Variants in NPAS2 observed in about 807,000 individuals in gnomAD.
NPAS2 encodes the protein neuronal PAS domain-containing protein 2.
In NPAS2, 23 loss-of-function variants were observed where a neutral mutation model predicts 107.5. The observed-to-expected ratio is 0.21, with a 90% CI of 0.15 to 0.30. The LOEUF is 0.30. Ranked by LOEUF, NPAS2 falls within the 10% of genes least tolerant of loss-of-function variation. NPAS2 has a pLI of 1.00. For missense variants in NPAS2, 756 were observed against 1,043.3 expected (o/e 0.72, Z 3.79); for synonymous variants, 403 against 417.5 (o/e 0.97, Z 0.42).
At chr2:100,846,120 A>G (rs1250872120) in intron 1 of NPAS2, among the ~76,000 whole-genome samples, 1 of 152,164 alleles carries the variant, frequency 6.6e-6, no homozygotes, top group Non-Finnish European at 1.5e-5. Flanking sequence ...GCAGGCCCAC[A>G]TGTGGTTTTC....
chr2:100,910,209 C>A (rs576556802), intron 2 of NPAS2, among the ~76,000 whole-genome samples: 1 of 152,306 alleles, frequency 6.6e-6, no homozygotes, highest in East Asian at 1.9e-4. Context: ...CTAAACGTTT[C>A]TTTTTAGAAT....
At chr2:100,920,320 A>G (rs1361454844) in intron 2 of NPAS2, among the ~76,000 whole-genome samples, 2 of 152,204 alleles carry the variant, frequency 1.3e-5, no homozygotes, top group African/African-American at 2.4e-5. Flanking sequence ...CTCACCACAA[A>G]TAAGTGAAGT....
intron 1 of NPAS2, among the ~76,000 whole-genome samples, chr2:100,840,334 G>C (rs1677319159): frequency 6.6e-6 from 1 of 152,196 alleles, no homozygotes; most frequent in Admixed American, 6.5e-5. Context: ...GTTCCCGGGA[G>C]TGGGGACCAC....
At chr2:100,860,128 C>T (rs1380027734) in intron 1 of NPAS2, among the ~76,000 whole-genome samples, 1 of 152,196 alleles carries the variant, frequency 6.6e-6, no homozygotes. Context: ...CGTTGCATTT[C>T]GTTGTCTTCT....
At chr2:100,842,108 CACTT>C (rs1392884931) in intron 1 of NPAS2, among the ~76,000 whole-genome samples, 3 of 149,736 alleles carry the variant, frequency 2.0e-5, no homozygotes, top group African/African-American at 7.4e-5. Flanking sequence ...CACACACACA[CACTT>C]AAGCCCCCAG....
intron 19 of NPAS2, among the ~76,000 whole-genome samples, chr2:100,991,506 G>T (rs975898762): frequency 6.6e-6 from 1 of 152,182 alleles, no homozygotes; most frequent in African/African-American, 2.4e-5. Context: ...TTGACTTTGT[G>T]TCCAGAACTA....
chr2:100,859,014 C>T (rs1678766476), intron 1 of NPAS2, among the ~76,000 whole-genome samples: 1 of 152,176 alleles, frequency 6.6e-6, no homozygotes. Flanking sequence ...CCTGTAATCC[C>T]AGCACTTTGG....
At chr2:100,896,348 C>T (rs1681410118) in intron 1 of NPAS2, among the ~76,000 whole-genome samples, 3 of 152,316 alleles carry the variant, frequency 2.0e-5, no homozygotes, top group South Asian at 4.1e-4. Flanking sequence ...TGGAGAAAGG[C>T]CTCCTGAGTC....
chr2:100,849,768 T>C (rs1573458592), intron 1 of NPAS2, among the ~76,000 whole-genome samples: 4 of 150,746 alleles, frequency 2.7e-5, no homozygotes, highest in Admixed American at 6.6e-5. Flanking sequence ...TGGAGAGAGG[T>C]TGGGGAGGAG....
chr2:100,838,947 C>T (rs1296886117), intron 1 of NPAS2, among the ~76,000 whole-genome samples: 1 of 152,066 alleles, frequency 6.6e-6, no homozygotes, highest in Non-Finnish European at 1.5e-5. Context: ...TGTGGAATCA[C>T]TTATATGCAG....
intron 13 of NPAS2, 112 bp downstream of exon 13, chr2:100,975,056 A>T: frequency 8.4e-7 from 1 of 1,194,760 alleles, no homozygotes; most frequent in Non-Finnish European, 1.2e-6. Context: ...CCTCCGACAG[A>T]GGTTGCCGTG....
intron 1 of NPAS2, among the ~76,000 whole-genome samples, chr2:100,861,991 A>G (rs143817583): frequency 4.6e-5 from 7 of 152,316 alleles, no homozygotes; most frequent in East Asian, 1.9e-4. Flanking sequence ...GTATGTATAC[A>G]TATGTATGTC....
intron 1 of NPAS2, among the ~76,000 whole-genome samples, chr2:100,844,490 T>A (rs1026426618): frequency 3.9e-5 from 6 of 152,216 alleles, no homozygotes; most frequent in Admixed American, 1.3e-4. Flanking sequence ...GGCCCGTGAT[T>A]CTGAACAGTT....
intron 2 of NPAS2, among the ~76,000 whole-genome samples, chr2:100,922,570 T>A (rs1040777302): frequency 4.6e-5 from 7 of 151,844 alleles, no homozygotes; most frequent in Admixed American, 1.3e-4. Context: ...GCAACAAGAG[T>A]GAGACTCTGT....
chr2:100,889,712 A>G (rs1255638419), intron 1 of NPAS2, among the ~76,000 whole-genome samples: 1 of 152,180 alleles, frequency 6.6e-6, no homozygotes, highest in Non-Finnish European at 1.5e-5. Context: ...AATGGATCCC[A>G]AATTCCCAGC....
intron 7 of NPAS2, among the ~76,000 whole-genome samples, chr2:100,954,664 CA>C (rs1194534141): frequency 1.5e-3 from 120 of 81,398 alleles, no homozygotes; most frequent in Non-Finnish European, 2.0e-3. Flanking sequence ...AACTGTGTCT[CA>C]AAAAAAAAAA....
chr2:100,981,819 C>T (rs1323729442), intron 15 of NPAS2, among the ~76,000 whole-genome samples: 1 of 152,156 alleles, frequency 6.6e-6, no homozygotes, highest in Non-Finnish European at 1.5e-5. Context: ...CTGCTATGCC[C>T]TAAATGAGGG....
At chr2:100,967,237 C>CCT (rs1676269317) in intron 10 of NPAS2, among the ~76,000 whole-genome samples, 1 of 100,546 alleles carries the variant, frequency 9.9e-6, no homozygotes, top group Non-Finnish European at 2.0e-5. Flanking sequence ...AGTCAGTGTC[C>CCT]TTTTTTTTTT....
chr2:100,956,966 C>G (rs1675607610), intron 7 of NPAS2, among the ~76,000 whole-genome samples: 1 of 152,210 alleles, frequency 6.6e-6, no homozygotes, highest in Non-Finnish European at 1.5e-5. Context: ...GAGGATGCCC[C>G]CCTCTCCTCT....
Sources: allele counts gnomAD v4.1 joint callset (sites outside exome capture counted in the v4.1 genomes callset), GRCh38; gene constraint gnomAD v4.1.1; transcripts MANE v1.5; gene names NCBI Gene and HGNC (gene_info 2026-07-23, HGNC 2026-07-21).